The following DPH7 variants were observed in gnomAD, a reference collection of about 807,000 sequenced individuals.
DPH7 encodes the protein diphthamide biosynthesis 7.
Under a neutral mutation model 41.7 loss-of-function variants are expected in DPH7, and 44 were observed. The observed-to-expected ratio is 1.05, with a 90% CI of 0.83 to 1.36. DPH7 has a LOEUF of 1.36. Among genes scored for constraint, DPH7 ranks in the 40% most tolerant of loss-of-function variants. The probability of loss-of-function intolerance (pLI) is 0.00; values close to 1 mark genes in which losing one functional copy is unlikely to be tolerated. For synonymous variants in DPH7, 275 were observed against 238.0 expected (o/e 1.16, Z -1.43); for missense variants, 629 against 577.5 (o/e 1.09, Z -0.91).
chr9:137,574,463 G>T, intron 4 of DPH7, 83 bp from the exon 5 acceptor site: 1 of 1,446,062 alleles, frequency 6.9e-7, no homozygotes, highest in Non-Finnish European at 9.5e-7. Flanking sequence ...CCTGAGAGAC[G>T]GTCTCCACAG....
rs1837550228 is a variant in DPH7 at position 137,556,629 on chromosome 9, G to C, written c.950-981C>G. The C allele has an allele frequency of 2.9e-6, 1 of 349,024 alleles. No individual in the cohort carries two copies. 21.6% of individuals were successfully genotyped at this position (349,024 alleles called of 1,614,324 possible). On this transcript the variant is annotated intron_variant, in intron 8 of 8. Coordinates refer to ENST00000277540, the MANE Select transcript of DPH7 (RefSeq NM_138778.5). The surrounding 1 kb of genome is among the most constrained non-coding windows in gnomAD (Gnocchi z 5.2). ...TGGCTCCGAGGAGGAGTGAGATGCT[G>C]AATGTTCAGAGACAGCCACAGGGGC...
In DPH7 at chr9:137,578,377, AG is replaced by A. The variant is rs1841810755; in HGVS notation, c.153+247del. 5 of 361,256 alleles carry A rather than the reference AG, an allele frequency of 1.4e-5. No individual in the cohort carries two copies. In the Admixed American group the frequency reaches 1.5e-4, roughly 11 times the overall value. 22.4% of individuals were successfully genotyped at this position (361,256 alleles called of 1,614,324 possible). ...GAGACGGGGTTTCACCATGTTAGCC[AG>A]GATGGTCTCGATCTCCTGACCTCGT... On this transcript the variant is annotated intron_variant, in intron 1 of 8. Transcript: ENST00000277540.
chr9:137,576,388 G>A, intron 2 of DPH7: 1 of 546,772 alleles, frequency 1.8e-6, no homozygotes, highest in Non-Finnish European at 3.3e-6. Context: ...GACACAACAG[G>A]AAGTGGTTGT....
chr9:137,562,533 A>G (rs1314752282), intron 8 of DPH7, among the ~76,000 whole-genome samples: 1 of 152,250 alleles, frequency 6.6e-6, no homozygotes, highest in East Asian at 1.9e-4. Context: ...ACAACATACC[A>G]AAATGTATGG....
chr9:137,578,304 A>G (rs1284052356), intron 1 of DPH7, among the ~76,000 whole-genome samples: 2 of 152,130 alleles, frequency 1.3e-5, no homozygotes, highest in Non-Finnish European at 2.9e-5. Flanking sequence ...GGCTGGGACT[A>G]CAGGCGCCGC....
chr9:137,558,944 C>T (rs1363617745), intron 8 of DPH7, among the ~76,000 whole-genome samples: 1 of 152,168 alleles, frequency 6.6e-6, no homozygotes, highest in African/African-American at 2.4e-5. Flanking sequence ...GCGTGAGACA[C>T]TGCGCCCGGC....
chr9:137,555,656 G>A lies in DPH7; in HGVS notation c.950-8C>T. 1.9e-6 allele frequency: 3 copies of A among 1,572,628 alleles called. No individual in the cohort carries two copies. Among genetic ancestry groups the A allele is most frequent in the Non-Finnish European group, 2.6e-6 (3 of 1,156,510 alleles). On this transcript the variant is annotated splice_region_variant and splice_polypyrimidine_tract_variant and intron_variant, in intron 8 of 8. Transcript: ENST00000277540. ...TCGCCTCCTGCCTCTCCTCTGGAGT[G>A]AGAGATGGGAGAACCCAGGAAACAC...
chr9:137,574,528 G>A (rs1017611543), intron 4 of DPH7, 148 bp from the exon 5 acceptor site: 13 of 907,702 alleles, frequency 1.4e-5, no homozygotes, highest in Non-Finnish European at 2.0e-5. Context: ...CACAACCACT[G>A]CTAAGCTTGT....
chr9:137,573,943 G>A (rs1840929800), intron 5 of DPH7, among the ~76,000 whole-genome samples: 3 of 152,132 alleles, frequency 2.0e-5, no homozygotes, highest in Admixed American at 2.0e-4. Context: ...GCAGGCGCCT[G>A]TAATCCCAGC....
intron 8 of DPH7, among the ~76,000 whole-genome samples, chr9:137,558,838 G>A (rs549425805): frequency 1.3e-3 from 194 of 152,186 alleles, no homozygotes; most frequent in Admixed American, 2.9e-3. Flanking sequence ...AGGTTCAACC[G>A]ATTCTCCTGA....
chr9:137,578,830 C>T lies in DPH7; in HGVS notation c.-53G>A, dbSNP rs1841909738. 2.9e-6 allele frequency: 4 copies of T among 1,374,254 alleles called. No homozygotes were observed. The highest frequency in any genetic ancestry group is 9.4e-7 in the Non-Finnish European group (1 of 1,060,662). The allele number at this position is 1,374,254 out of a possible 1,614,324, so 85.1% of individuals were successfully genotyped here. On this transcript the variant is annotated 5_prime_UTR_variant, in exon 1 of 9. Coordinates refer to ENST00000277540, the MANE Select transcript of DPH7 (RefSeq NM_138778.5). ...GGCAGTAGAGGCGGGTCGGCGGGGCCGGGCTGGGTACTGCGCGGGGCGGCG... is the reference window on the plus strand; with the variant it reads ...GGCAGTAGAGGCGGGTCGGCGGGGCTGGGCTGGGTACTGCGCGGGGCGGCG...
intron 4 of DPH7, 164 bp downstream of exon 4, chr9:137,574,588 T>C (rs1473678882): frequency 2.4e-6 from 2 of 849,696 alleles, no homozygotes; most frequent in African/African-American, 1.7e-5. Flanking sequence ...TCGCTATGTA[T>C]CTAAAATGGG....
Position 137,578,620 on chromosome 9 carries a change from C to A in DPH7, c.153+5G>T. ...CCTCCCCTCCCGAAGCCGCGGCGCG[C>A]GCACCTTGTTCTGGGGGCCGGCAGG... On this transcript the variant is annotated splice_donor_5th_base_variant and intron_variant, in intron 1 of 8. Transcript: ENST00000277540. 6.7e-7 allele frequency: 1 copy of A among 1,485,848 alleles called. No individual in the cohort carries two copies. Among genetic ancestry groups the A allele is most frequent in the Non-Finnish European group, 8.9e-7 (1 of 1,124,948 alleles). The allele number at this position is 1,485,848 out of a possible 1,614,324, so 92.0% of individuals were successfully genotyped here. A position where few individuals can be genotyped will look rare whatever the true frequency, so the allele number is the denominator to read the frequency against.
chr9:137,569,112 A>T (rs999009106), intron 5 of DPH7, among the ~76,000 whole-genome samples: 1 of 152,054 alleles, frequency 6.6e-6, no homozygotes, highest in Non-Finnish European at 1.5e-5. Context: ...GAATGGTGGC[A>T]CCTGAAGGAA....
At chr9:137,576,675 G>A (rs891474104) in intron 2 of DPH7, among the ~76,000 whole-genome samples, 8 of 152,134 alleles carry the variant, frequency 5.3e-5, no homozygotes, top group African/African-American at 1.9e-4. Context: ...TGGATCACGA[G>A]GTCAGGAGAT....
rs781445492 is a variant in DPH7 at position 137,555,248 on chromosome 9, C to T, written c.1350G>A (p.Glu450=). The change falls in exon 9 of 9, where the codon GAG becomes GAA. Residue 450 remains glutamate, a synonymous_variant. Transcript: ENST00000277540. ...CTTCATGATTTCAAGCTCAGTTCCC[C>T]TCCCACTCCCAGAGGTGGAGCGCAT... ...YDHALHLWEW[E]GN is the part of the protein sequence containing the mutation. The T allele has an allele frequency of 1.3e-6, 2 of 1,595,190 alleles. No homozygotes were observed. The highest frequency in any genetic ancestry group is 1.7e-6 in the Non-Finnish European group (2 of 1,168,738).
At chr9:137,576,645 C>T (rs1035278840) in intron 2 of DPH7, among the ~76,000 whole-genome samples, 23 of 152,230 alleles carry the variant, frequency 1.5e-4, no homozygotes, top group Admixed American at 9.8e-4. Flanking sequence ...AATCCCAGCA[C>T]GTTGGGAGGC....
chr9:137,570,019 C>T (rs1840150373), intron 5 of DPH7, among the ~76,000 whole-genome samples: 1 of 150,494 alleles, frequency 6.6e-6, no homozygotes, highest in African/African-American at 2.4e-5. Context: ...ATCCACCCCA[C>T]CACCACCCAC....
chr9:137,556,292 C>G lies in DPH7; in HGVS notation c.950-644G>C, dbSNP rs982465020. Among the ~76,000 whole-genome samples, 1 of 152,196 alleles carries G rather than the reference C, an allele frequency of 6.6e-6. No homozygotes were observed. The highest frequency in any genetic ancestry group is 2.4e-5 in the African/African-American group (1 of 41,458). On this transcript the variant is annotated intron_variant, in intron 8 of 8. Coordinates refer to ENST00000277540, the MANE Select transcript of DPH7 (RefSeq NM_138778.5). This position sits in a 1 kb window ranked among gnomAD's most constrained non-coding sequence, Gnocchi z 5.2. ...CAACAGAGGGAATGACGAGGCGTGG[C>G]CAAACCCGAGGCGATCTGGAGTCCA...
Sources: allele counts gnomAD v4.1 joint callset (sites outside exome capture counted in the v4.1 genomes callset), GRCh38; gene constraint gnomAD v4.1.1; non-coding constraint Gnocchi (gnomAD v3.1); transcripts MANE v1.5; gene names NCBI Gene and HGNC (gene_info 2026-07-23, HGNC 2026-07-21).